PPARGC1A: variants seen among roughly 807,000 people sequenced by gnomAD.
The protein encoded by PPARGC1A is PPARG coactivator 1 alpha, also known as peroxisome proliferator-activated receptor gamma coactivator 1-alpha.
A neutral mutation model predicts 88.7 loss-of-function variants in PPARGC1A; 25 were observed. That is an observed-to-expected ratio of 0.28 (90% confidence interval 0.21 to 0.39). PPARGC1A has a LOEUF of 0.39. PPARGC1A is among the 10% of genes least tolerant of loss of function. The pLI is 1.00. For missense variants in PPARGC1A, 880 were observed against 968.7 expected (o/e 0.91, Z 1.22); for synonymous variants, 363 against 355.6 (o/e 1.02, Z -0.24).
chr4:24,171,206 G>A, the PPARGC1A span, among the ~76,000 whole-genome samples: 1 of 152,074 alleles, frequency 6.6e-6, no homozygotes, highest in East Asian at 1.9e-4. Context: ...AAGGGATCGA[G>A]ACCATCCTGG....
At chr4:24,144,290 T>C in the PPARGC1A span, among the ~76,000 whole-genome samples, 2 of 152,210 alleles carry the variant, frequency 1.3e-5, no homozygotes, top group South Asian at 4.1e-4. Flanking sequence ...AGTGCCAATG[T>C]GTAGGATTTA....
chr4:24,051,935 CA>C, the PPARGC1A span, among the ~76,000 whole-genome samples: 11,986 of 114,626 alleles, frequency 0.1, 633 homozygotes, highest in African/African-American at 0.25. Flanking sequence ...GTGATTTGCA[CA>C]AAAAAAAAAA....
chr4:24,242,698 G>A, the PPARGC1A span, among the ~76,000 whole-genome samples: 2 of 152,064 alleles, frequency 1.3e-5, no homozygotes, highest in African/African-American at 4.8e-5. Context: ...TTAAGATAAA[G>A]ACCAAAATCT....
At chr4:24,359,356 C>T in the PPARGC1A span, among the ~76,000 whole-genome samples, 1 of 152,166 alleles carries the variant, frequency 6.6e-6, no homozygotes, top group Non-Finnish European at 1.5e-5. Context: ...GGCTTGACTG[C>T]TGTCTCTGTA....
At chr4:24,302,291 T>C in the PPARGC1A span, among the ~76,000 whole-genome samples, 2 of 152,204 alleles carry the variant, frequency 1.3e-5, no homozygotes, top group South Asian at 4.1e-4. Context: ...TCCTGAGTAA[T>C]GTCTTTGCTG....
At chr4:24,139,323 C>T in the PPARGC1A span, among the ~76,000 whole-genome samples, 1 of 151,894 alleles carries the variant, frequency 6.6e-6, no homozygotes, top group Non-Finnish European at 1.5e-5. Flanking sequence ...TTAGTAGAGA[C>T]GGGGTTTCAC....
the PPARGC1A span, among the ~76,000 whole-genome samples, chr4:24,152,284 T>A: frequency 6.6e-6 from 1 of 152,208 alleles, no homozygotes; most frequent in Non-Finnish European, 1.5e-5. Context: ...GCTATTTTCT[T>A]GCATGGCATT....
chr4:24,108,741 T>A, the PPARGC1A span, among the ~76,000 whole-genome samples: 1 of 152,132 alleles, frequency 6.6e-6, no homozygotes, highest in Non-Finnish European at 1.5e-5. Flanking sequence ...CACATTTTCA[T>A]GAACACCCAG....
At chr4:24,375,315 T>C in the PPARGC1A span, among the ~76,000 whole-genome samples, 3 of 152,152 alleles carry the variant, frequency 2.0e-5, no homozygotes, top group Admixed American at 6.6e-5. Flanking sequence ...CTGCTCAAAG[T>C]CCGATTTGTC....
the PPARGC1A span, among the ~76,000 whole-genome samples, chr4:24,117,889 C>T: frequency 6.6e-6 from 1 of 152,036 alleles, no homozygotes; most frequent in African/African-American, 2.4e-5. Context: ...CACAAAAGTC[C>T]CTACTTTGTC....
chr4:24,005,560 G>A, the PPARGC1A span, among the ~76,000 whole-genome samples: 15 of 152,260 alleles, frequency 9.9e-5, no homozygotes, highest in East Asian at 1.9e-3. Context: ...CCAAGATCAC[G>A]GAATGTAAGA....
the PPARGC1A span, among the ~76,000 whole-genome samples, chr4:24,271,768 T>C: frequency 3.0e-4 from 45 of 152,298 alleles, no homozygotes; most frequent in African/African-American, 1.1e-3. Flanking sequence ...GAAAACATAG[T>C]AGTACCTACC....
At chr4:24,047,600 G>C in the PPARGC1A span, among the ~76,000 whole-genome samples, 1 of 152,186 alleles carries the variant, frequency 6.6e-6, no homozygotes. Context: ...AAGTGAGGCA[G>C]GATTGGAACC....
At chr4:23,890,825 A>G (rs547448514), upstream of PPARGC1A, among the ~76,000 whole-genome samples, 1 of 152,008 alleles carries the variant, frequency 6.6e-6, no homozygotes, top group Non-Finnish European at 1.5e-5. Context: ...TTTCTCTCAT[A>G]GGCTCCCAGA....
At chr4:24,001,012 T>A in the PPARGC1A span, among the ~76,000 whole-genome samples, 12 of 152,198 alleles carry the variant, frequency 7.9e-5, no homozygotes, top group African/African-American at 2.4e-4. Context: ...ACTTTTGACA[T>A]AAAAATATAC....
At chr4:24,296,152 T>C in the PPARGC1A span, among the ~76,000 whole-genome samples, 2 of 150,662 alleles carry the variant, frequency 1.3e-5, no homozygotes, top group Admixed American at 1.3e-4. Context: ...ACACACACGA[T>C]AGCTTCCCAA....
the PPARGC1A span, among the ~76,000 whole-genome samples, chr4:24,287,846 C>G: frequency 1.3e-5 from 2 of 152,128 alleles, no homozygotes; most frequent in African/African-American, 4.8e-5. Context: ...AAAAAGACGG[C>G]TCCTGACCTG....
chr4:23,929,252 G>A, the PPARGC1A span, among the ~76,000 whole-genome samples: 3 of 152,164 alleles, frequency 2.0e-5, no homozygotes, highest in Non-Finnish European at 2.9e-5. Flanking sequence ...TATAAAGGAC[G>A]CTAAAGTATT....
At chr4:24,443,846 G>A in the PPARGC1A span, among the ~76,000 whole-genome samples, 22 of 147,252 alleles carry the variant, frequency 1.5e-4, no homozygotes, top group South Asian at 3.3e-3. Context: ...GAGCCACCGC[G>A]CCTGGCCCCC....
Sources: allele counts gnomAD v4.1 joint callset (sites outside exome capture counted in the v4.1 genomes callset), GRCh38; gene constraint gnomAD v4.1.1; transcripts MANE v1.5; gene names NCBI Gene and HGNC (gene_info 2026-07-23, HGNC 2026-07-21).